ASRGL1: variants seen among roughly 807,000 people sequenced by gnomAD.
The protein encoded by ASRGL1 is asparaginase and isoaspartyl peptidase 1, also known as isoaspartyl peptidase/L-asparaginase.
Under a neutral mutation model 22.4 loss-of-function variants are expected in ASRGL1, and 16 were observed. The ratio of observed to expected loss-of-function variants is 0.71; its 90% CI spans 0.48 to 1.08. The LOEUF is 1.08. ASRGL1 is among the 50% of genes least tolerant of loss of function. The probability of loss-of-function intolerance (pLI) is 0.00; values close to 1 mark genes in which losing one functional copy is unlikely to be tolerated. For missense variants in ASRGL1, 412 were observed against 410.1 expected (o/e 1.00, Z -0.04); for synonymous variants, 165 against 159.3 (o/e 1.04, Z -0.27).
rs1257262594 is a variant in ASRGL1, at chr11:62,392,508, G to A, written c.*224G>A. The A allele has an allele frequency of 3.4e-6, 2 of 581,344 alleles. No individual in the cohort carries two copies. Among genetic ancestry groups the A allele is most frequent in the South Asian group, 2.0e-5 (1 of 49,882 alleles). The allele number at this position is 581,344 out of a possible 1,614,324, so 36.0% of individuals were successfully genotyped here. A position where few individuals can be genotyped will look rare whatever the true frequency, so the allele number is the denominator to read the frequency against. On this transcript the variant is annotated 3_prime_UTR_variant, in exon 7 of 7. Coordinates refer to ENST00000415229, the MANE Select transcript of ASRGL1 (RefSeq NM_001083926.2). Reference sequence around the variant, plus strand: ...TACTTGAGCCCAGGAGGTCAAAGCTGAGGTGAGCCATGATTACTCCACTGC... The same window carrying A: ...TACTTGAGCCCAGGAGGTCAAAGCTAAGGTGAGCCATGATTACTCCACTGC...
intron 4 of ASRGL1, among the ~76,000 whole-genome samples, chr11:62,368,405 A>G (rs1946673322): frequency 6.6e-6 from 1 of 152,134 alleles, no homozygotes; most frequent in African/African-American, 2.4e-5. Flanking sequence ...ACCTGTCCAC[A>G]TTTCTGATGG....
In ASRGL1 at chr11:62,371,262, TAGC is replaced by T. The variant is rs1242498316; in HGVS notation, c.491+14124_491+14126del. 15 of 1,344,054 alleles carry T rather than the reference TAGC, an allele frequency of 1.1e-5. No homozygotes were observed. The African/African-American group carries it at 2.3e-4, about 21-fold the overall frequency. 83.3% of individuals were successfully genotyped at this position (1,344,054 alleles called of 1,614,324 possible). On this transcript the variant is annotated intron_variant, in intron 4 of 6. Coordinates refer to ENST00000415229, the MANE Select transcript of ASRGL1 (RefSeq NM_001083926.2). Reference sequence around the variant, plus strand: ...AGCGCGAGCCTCCCGAGCGCTGCAGTAGCAGCAGTGGTGGCAGCAGCAGCAGCG... The same window carrying T: ...AGCGCGAGCCTCCCGAGCGCTGCAGTAGCAGTGGTGGCAGCAGCAGCAGCG...
intron 2 of ASRGL1, among the ~76,000 whole-genome samples, chr11:62,342,020 G>A (rs1443102181): frequency 1.3e-5 from 2 of 152,186 alleles, no homozygotes; most frequent in Non-Finnish European, 2.9e-5. Flanking sequence ...ACACTTGTCA[G>A]CAGTTTTGTC....
intron 2 of ASRGL1, among the ~76,000 whole-genome samples, chr11:62,352,249 C>T (rs1590713360): frequency 6.6e-6 from 1 of 152,246 alleles, no homozygotes; most frequent in South Asian, 2.1e-4. Flanking sequence ...GGTCATGGAG[C>T]AGTGAGCACA....
intron 4 of ASRGL1, among the ~76,000 whole-genome samples, chr11:62,376,762 G>A (rs10897264): frequency 6.6e-6 from 1 of 151,950 alleles, no homozygotes; most frequent in East Asian, 1.9e-4. Context: ...AATTTTCCAC[G>A]GATTTAAGAA....
chr11:62,384,775 G>A (rs1223366378), intron 4 of ASRGL1, among the ~76,000 whole-genome samples: 2 of 133,066 alleles, frequency 1.5e-5, no homozygotes, highest in African/African-American at 2.9e-5. Context: ...AAAATTAGCC[G>A]GGAGTGGTGG....
chr11:62,351,978 C>T (rs1946178099), intron 2 of ASRGL1, among the ~76,000 whole-genome samples: 1 of 152,172 alleles, frequency 6.6e-6, no homozygotes, highest in South Asian at 2.1e-4. Flanking sequence ...CAGCCAAGAA[C>T]TTCTTTTAGC....
chr11:62,372,690 C>T, intron 4 of ASRGL1: 1 of 1,249,056 alleles, frequency 8.0e-7, no homozygotes, highest in South Asian at 1.2e-5. Context: ...CTATGGCTGG[C>T]TGGGCTACAC....
chr11:62,399,678 C>T, the ASRGL1 span, among the ~76,000 whole-genome samples: 2 of 152,192 alleles, frequency 1.3e-5, no homozygotes, highest in African/African-American at 4.8e-5. Context: ...GTTCCAGGCA[C>T]CTCTAGGACC....
downstream of ASRGL1, among the ~76,000 whole-genome samples, chr11:62,395,125 G>A (rs765560290): frequency 8.6e-5 from 13 of 152,036 alleles, no homozygotes; most frequent in East Asian, 5.8e-4. Context: ...CTTCATTTTC[G>A]TCCAAATACT....
intron 2 of ASRGL1, 46 bp from the exon 3 acceptor site, chr11:62,356,279 G>A (rs374595582): frequency 1.2e-6 from 2 of 1,606,260 alleles, no homozygotes; most frequent in Non-Finnish European, 8.5e-7. Context: ...TCCCGGACGG[G>A]GCGTAAATTC....
Position 62,373,260 on chromosome 11 carries a change from T to C in ASRGL1, c.492-15873T>C, listed in dbSNP as rs1946823572. Reference sequence around the variant, plus strand: ...CTGGGACGGGAAGTCAAACAAGGAATTTAAAAAAGCAAAAGTGGACCGAAG... The same window carrying C: ...CTGGGACGGGAAGTCAAACAAGGAACTTAAAAAAGCAAAAGTGGACCGAAG... On this transcript the variant is annotated intron_variant, in intron 4 of 6. Coordinates refer to ENST00000415229, the MANE Select transcript of ASRGL1 (RefSeq NM_001083926.2). 4 of 746,256 alleles carry C rather than the reference T, an allele frequency of 5.4e-6. No homozygotes were observed. In the East Asian group the frequency reaches 9.8e-5, roughly 18 times the overall value. 46.2% of individuals were successfully genotyped at this position (746,256 alleles called of 1,614,324 possible). A position where few individuals can be genotyped will look rare whatever the true frequency, so the allele number is the denominator to read the frequency against.
At chr11:62,372,541 C>T (rs569809206) in intron 4 of ASRGL1, 7 of 936,156 alleles carry the variant, frequency 7.5e-6, no homozygotes, top group African/African-American at 3.2e-5. Context: ...AGTTCCCCAG[C>T]GAGTGGCCAT....
intron 4 of ASRGL1, chr11:62,381,707 G>A (rs939245300): frequency 6.6e-6 from 1 of 152,032 alleles, no homozygotes; most frequent in Non-Finnish European, 1.5e-5. Context: ...TTTTTTTGTA[G>A]AGACTCTAAC....
rs529929688 is a variant in ASRGL1 at position 62,378,727 on chromosome 11, A to G, written c.492-10406A>G. Among the ~76,000 whole-genome samples the G allele has an allele frequency of 3.9e-5, 6 of 152,202 alleles. No homozygotes were observed. The East Asian group carries it at 1.2e-3, about 29-fold the overall frequency. Reference sequence around the variant, plus strand: ...AAACACAGGAGAATTCCAAGGCGAGAACGAAGGCTCAATATGTCCCTTTTC... The same window carrying G: ...AAACACAGGAGAATTCCAAGGCGAGGACGAAGGCTCAATATGTCCCTTTTC... On this transcript the variant is annotated intron_variant, in intron 4 of 6. Coordinates refer to ENST00000415229, the MANE Select transcript of ASRGL1 (RefSeq NM_001083926.2).
chr11:62,362,891 A>ATTTTT lies in ASRGL1; in HGVS notation c.491+5788_491+5792dup, dbSNP rs60507577. 4.2e-4 allele frequency among the ~76,000 whole-genome samples: 21 copies of ATTTTT among 50,366 alleles called. 1 individual carries two copies. Among genetic ancestry groups the ATTTTT allele is most frequent in the African/African-American group, 1.5e-3 (15 of 10,258 alleles). 33.0% of individuals were successfully genotyped at this position (50,366 alleles called of 152,430 possible). On this transcript the variant is annotated intron_variant, in intron 4 of 6. Transcript: ENST00000415229. ...GGCTACTTCACCTTTAAAGGATTTAATTTTTTTTTTTTTTTTTTTTTTTTT... is the reference window on the plus strand; with the variant it reads ...GGCTACTTCACCTTTAAAGGATTTAATTTTTTTTTTTTTTTTTTTTTTTTTTTTTT...
chr11:62,372,113 G>C (rs1461089999), intron 4 of ASRGL1: 4 of 795,706 alleles, frequency 5.0e-6, no homozygotes, highest in Non-Finnish European at 9.0e-6. Context: ...CATCACCACA[G>C]AAGGAAAGCT....
downstream of ASRGL1, among the ~76,000 whole-genome samples, chr11:62,396,505 G>T (rs1348558272): frequency 1.3e-5 from 2 of 152,140 alleles, no homozygotes; most frequent in South Asian, 4.1e-4. Flanking sequence ...CCGGTCTCTT[G>T]TCCCTCTCAG....
At chr11:62,371,947 C>T in intron 4 of ASRGL1, 1 of 582,996 alleles carries the variant, frequency 1.7e-6, no homozygotes, top group African/African-American at 2.2e-5. Context: ...GAGCAAGACT[C>T]CGTCTCAAAA....
Sources: gnomAD v4.1 joint callset for allele counts (sites outside exome capture counted in the v4.1 genomes callset) on GRCh38, gnomAD v4.1.1 for gene constraint, MANE v1.5 for transcripts, NCBI Gene and HGNC (gene_info 2026-07-23, HGNC 2026-07-21) for gene names.